CDH15: variants seen among roughly 807,000 people sequenced by gnomAD.
The protein encoded by CDH15 is cadherin-15.
Under a neutral mutation model 69.4 loss-of-function variants are expected in CDH15, and 73 were observed. That is an observed-to-expected ratio of 1.05 (90% CI 0.87 to 1.28). The LOEUF (loss-of-function observed/expected upper bound fraction) is 1.28, where lower values mean the gene tolerates loss of function less well. CDH15 is among the 50% of genes most tolerant of loss of function. CDH15 has a pLI of 0.00. For synonymous variants in CDH15, 624 were observed against 507.7 expected, an observed-to-expected ratio of 1.23 and a Z score of -3.08; for missense variants, 1,343 against 1,133.6, an observed-to-expected ratio of 1.18 and a Z score of -2.65.
In CDH15 at chr16:89,193,790, A is replaced by G. The variant is rs751150037; in HGVS notation, c.2028A>G (p.Thr676=). The G allele has an allele frequency of 6.2e-7, 1 of 1,606,416 alleles. No homozygotes were observed. Among genetic ancestry groups the G allele is most frequent in the Non-Finnish European group, 8.5e-7 (1 of 1,179,258 alleles). The change falls in exon 13 of 14, where the codon ACA becomes ACG. Residue 676 remains threonine (T), a synonymous_variant. Coordinates refer to ENST00000289746, the MANE Select transcript of CDH15 (RefSeq NM_004933.3). The part of the protein sequence containing the change: ...AYDISQLRHP[T]ALSLPLGPPP... ...ACATCAGCCAGCTGCGTCACCCGAC[A>G]GCGCTGAGCCTGCCTCTGGGACCGC...
chr16:89,181,305 G>C (rs558999758), intron 3 of CDH15, among the ~76,000 whole-genome samples: 1 of 152,298 alleles, frequency 6.6e-6, no homozygotes, highest in African/African-American at 2.4e-5. Context: ...CCCCTTGGGG[G>C]CTGGGATTCT....
In CDH15 at chr16:89,183,641, G is replaced by T; in HGVS notation, c.451G>T (p.Ala151Ser). 1 of 1,613,762 alleles carries T rather than the reference G, an allele frequency of 6.2e-7. No homozygotes were observed. The highest frequency in any genetic ancestry group is 8.5e-7 in the Non-Finnish European group (1 of 1,179,914). ...TGTGGATCAGAATGACAACCGGCCA[G>T]CCTTCCTGCAGGAGGCGTTCACTGG... Reference protein sequence around the residue: ...VVVDQNDNRPAFLQEAFTGRV... With the variant: ...VVVDQNDNRPSFLQEAFTGRV... The change falls in exon 4 of 14, where the codon GCC becomes TCC. Residue 151 changes from alanine to serine, a missense_variant. Transcript: ENST00000289746.
chr16:89,184,455 C>T (rs1567773112), intron 4 of CDH15, among the ~76,000 whole-genome samples: 1 of 152,180 alleles, frequency 6.6e-6, no homozygotes, highest in Non-Finnish European at 1.5e-5. Flanking sequence ...GAGGTGAAAC[C>T]TGGTCCTGCC....
chr16:89,174,510 G>T (rs1162324480), intron 1 of CDH15, among the ~76,000 whole-genome samples: 2 of 152,248 alleles, frequency 1.3e-5, no homozygotes, highest in Non-Finnish European at 2.9e-5. Flanking sequence ...TCGCAGTGGT[G>T]TTTGTAGACT....
At chr16:89,194,829 C>T (rs956470460) in intron 13 of CDH15, 33 bp from the exon 14 acceptor site, 2 of 1,579,358 alleles carry the variant, frequency 1.3e-6, no homozygotes, top group Non-Finnish European at 1.7e-6. Flanking sequence ...CTGGCCCCTC[C>T]ATGTGTCTTG....
At chr16:89,181,337 C>T (rs867546861) in intron 3 of CDH15, among the ~76,000 whole-genome samples, 44 of 152,246 alleles carry the variant, frequency 2.9e-4, no homozygotes, top group Middle Eastern at 3.4e-3. Flanking sequence ...CAGTGAGCGC[C>T]GGGCGCGGTG....
At chr16:89,176,367 C>G (rs905848341) in intron 1 of CDH15, among the ~76,000 whole-genome samples, 3 of 152,102 alleles carry the variant, frequency 2.0e-5, no homozygotes, top group African/African-American at 7.2e-5. Context: ...GCTGTCGACA[C>G]CTGTGGTTTT....
At chr16:89,193,379 G>GC in intron 11 of CDH15, 91 bp from the exon 12 acceptor site, 1 of 255,610 alleles carries the variant, frequency 3.9e-6, no homozygotes, top group Non-Finnish European at 6.7e-6. Flanking sequence ...GCCTTGCCCC[G>GC]CCCCGCCCCC....
Position 89,192,219 on chromosome 16 carries a change from C to G in CDH15, c.1630C>G (p.Leu544Val), listed in dbSNP as rs760219012. 4 of 1,529,282 alleles carry G rather than the reference C, an allele frequency of 2.6e-6. No homozygotes were observed. Among genetic ancestry groups the G allele is most frequent in the South Asian group, 2.4e-5 (2 of 83,640 alleles). The allele number at this position is 1,529,282 out of a possible 1,614,324, so 94.7% of individuals were successfully genotyped here. A position where few individuals can be genotyped will look rare whatever the true frequency, so the allele number is the denominator to read the frequency against. ...GCCCTCCGCAGTGAGCCACGCGCGC[C>G]TGCGGCCGCGACACCAGGTCCCCGA... is the stretch of plus-strand genomic sequence containing the variant. Reference protein sequence around the residue: ...LSQVNVSHARLRPRHQVPEGL... With the variant: ...LSQVNVSHARVRPRHQVPEGL... Residue 544 changes from leucine (L) to valine (V), a missense_variant, in exon 11 of 14, where the codon CTG becomes GTG. Leu to Val is a conservative substitution (Grantham distance 32). Coordinates refer to ENST00000289746, the MANE Select transcript of CDH15 (RefSeq NM_004933.3).
At chr16:89,174,231 G>A (rs1915212583) in intron 1 of CDH15, among the ~76,000 whole-genome samples, 1 of 152,242 alleles carries the variant, frequency 6.6e-6, no homozygotes, top group Non-Finnish European at 1.5e-5. Flanking sequence ...TCTGGGCCAG[G>A]CCAACAGCTG....
Position 89,190,497 on chromosome 16 carries a change from G to C in CDH15, c.1232+1G>C. On this transcript the variant is annotated splice_donor_variant, in intron 8 of 13. Coordinates refer to ENST00000289746, the MANE Select transcript of CDH15 (RefSeq NM_004933.3). LOFTEE classifies it high-confidence loss of function. ...ACACAGAGCAGCTGCAGAGGCTCAG[G>C]TGGGGCTCCTGAGGCCCTGGGAGAG... is the stretch of plus-strand genomic sequence containing the variant. The C allele has an allele frequency of 6.3e-7, 1 of 1,589,326 alleles. No homozygotes were observed. Among genetic ancestry groups the C allele is most frequent in the Non-Finnish European group, 8.6e-7 (1 of 1,168,950 alleles).
intron 1 of CDH15, among the ~76,000 whole-genome samples, chr16:89,173,965 T>C (rs565653386): frequency 8.5e-5 from 13 of 152,226 alleles, no homozygotes; most frequent in African/African-American, 2.9e-4. Context: ...GCATCTGGGT[T>C]TTGGGAGCCC....
intron 8 of CDH15, 22 bp from the exon 9 acceptor site, chr16:89,191,308 C>G: frequency 6.2e-7 from 1 of 1,612,534 alleles, no homozygotes; most frequent in Non-Finnish European, 8.5e-7. Flanking sequence ...TCAGATCCCA[C>G]TCTTCCCCTC....
intron 13 of CDH15, 56 bp from the exon 14 acceptor site, chr16:89,194,806 G>C: frequency 6.5e-7 from 1 of 1,536,834 alleles, no homozygotes; most frequent in Non-Finnish European, 8.8e-7. Flanking sequence ...TGGCCACGGC[G>C]GTGGGGCACC....
At chr16:89,181,425 A>G (rs74446052) in intron 3 of CDH15, among the ~76,000 whole-genome samples, 180 of 152,104 alleles carry the variant, frequency 1.2e-3, no homozygotes, top group African/African-American at 4.2e-3. Flanking sequence ...CAGGCTGGGC[A>G]TCAAAGTGAG....
At chr16:89,189,167 C>T (rs1567775222) in intron 7 of CDH15, among the ~76,000 whole-genome samples, 4 of 133,752 alleles carry the variant, frequency 3.0e-5, no homozygotes, top group Non-Finnish European at 4.8e-5. Flanking sequence ...ACACAGATGC[C>T]CACACACAGA....
intron 4 of CDH15, 132 bp downstream of exon 4, chr16:89,183,824 G>C: frequency 1.0e-6 from 1 of 970,250 alleles, no homozygotes; most frequent in South Asian, 1.7e-5. Flanking sequence ...CTCCGAGGCA[G>C]GTCCGTTTCC....
chr16:89,192,228 C>G lies in CDH15; in HGVS notation c.1639C>G (p.Arg547Gly). Residue 547 changes from arginine (R) to glycine (G), a missense_variant, in exon 11 of 14, where the codon CGA becomes GGA. Arg to Gly is a moderately radical substitution (Grantham distance 125). Coordinates refer to ENST00000289746, the MANE Select transcript of CDH15 (RefSeq NM_004933.3). ...VNVSHARLRP[R>G]HQVPEGLHRL... Reference sequence around the variant, plus strand: ...AGTGAGCCACGCGCGCCTGCGGCCGCGACACCAGGTCCCCGAAGGCCTGCA... The same window carrying G: ...AGTGAGCCACGCGCGCCTGCGGCCGGGACACCAGGTCCCCGAAGGCCTGCA... The G allele has an allele frequency of 6.5e-7, 1 of 1,529,256 alleles. No individual in the cohort carries two copies. The highest frequency in any genetic ancestry group is 8.7e-7 in the Non-Finnish European group (1 of 1,144,588). 94.7% of individuals were successfully genotyped at this position (1,529,256 alleles called of 1,614,324 possible).
chr16:89,187,664 G>A (rs1915520587), intron 6 of CDH15, 107 bp downstream of exon 6: 1 of 1,493,372 alleles, frequency 6.7e-7, no homozygotes, highest in Non-Finnish European at 9.2e-7. Context: ...GGAGGATGGT[G>A]TGCTTTGGAG....
Sources: allele counts gnomAD v4.1 joint callset (sites outside exome capture counted in the v4.1 genomes callset), GRCh38; gene constraint gnomAD v4.1.1; transcripts MANE v1.5; gene names NCBI Gene and HGNC (gene_info 2026-07-23, HGNC 2026-07-21).